PRKAR1A: variants seen among roughly 807,000 people sequenced by gnomAD.
PRKAR1A encodes the protein protein kinase cAMP-dependent type I regulatory subunit alpha, also known as cAMP-dependent protein kinase type I-alpha regulatory subunit.
Under a neutral mutation model 52.0 loss-of-function variants are expected in PRKAR1A, and 3 were observed. That is an observed-to-expected ratio of 0.06 (90% confidence interval 0.03 to 0.15). The LOEUF (loss-of-function observed/expected upper bound fraction) is 0.15. PRKAR1A is among the 10% of genes least tolerant of loss of function. PRKAR1A has a pLI of 1.00. For missense variants in PRKAR1A, 240 were observed against 477.4 expected, an observed-to-expected ratio of 0.50 and a Z score of 4.63; for synonymous variants, 188 against 168.4, an observed-to-expected ratio of 1.12 and a Z score of -0.90.
chr17:68,509,063 C>T (rs2085230782), upstream of PRKAR1A, among the ~76,000 whole-genome samples: 1 of 152,172 alleles, frequency 6.6e-6, no homozygotes, highest in Admixed American at 6.5e-5. Flanking sequence ...AAATGGACCA[C>T]CAAAGTATTC....
chr17:68,522,977 G>T (rs1433288638), intron 3 of PRKAR1A, 51 bp downstream of exon 3: 3 of 1,599,852 alleles, frequency 1.9e-6, no homozygotes, highest in South Asian at 1.1e-5. Flanking sequence ...CCCACTTGGT[G>T]GTCATCTAGT....
At chr17:68,457,325 G>A in the PRKAR1A span, 32 of 1,541,918 alleles carry the variant, frequency 2.1e-5, no homozygotes, top group Non-Finnish European at 2.8e-5. Context: ...CCTGGCAGGG[G>A]CCGAGTCGCA....
the PRKAR1A span, chr17:68,444,536 C>G: frequency 1.9e-6 from 3 of 1,614,050 alleles, no homozygotes; most frequent in Non-Finnish European, 2.5e-6. Context: ...TCAACAGCTT[C>G]ATGTCTTTAA....
At chr17:68,413,661 T>G in the PRKAR1A span, 1 of 156,926 alleles carries the variant, frequency 6.4e-6, no homozygotes, top group African/African-American at 2.4e-5. Flanking sequence ...GCTTCCCGGC[T>G]GCTTTGGTTA....
intron 10 of PRKAR1A, 74 bp downstream of exon 10, chr17:68,530,075 A>T: frequency 6.4e-7 from 1 of 1,552,502 alleles, no homozygotes; most frequent in Middle Eastern, 1.8e-4. Context: ...GTAGTCTTCC[A>T]TAATTTTGTC....
At chr17:68,490,265 G>A in the PRKAR1A span, among the ~76,000 whole-genome samples, 10 of 152,342 alleles carry the variant, frequency 6.6e-5, no homozygotes, top group Non-Finnish European at 1.0e-4. Context: ...GGGGGCAAGC[G>A]TGCGGGGCCT....
chr17:68,535,656 G>T (rs2086076601), downstream of PRKAR1A: 1 of 448,892 alleles, frequency 2.2e-6, no homozygotes, highest in South Asian at 1.6e-5. Flanking sequence ...TTAAAGAGTT[G>T]ATTTAAAAAA....
At chr17:68,504,979 G>T in the PRKAR1A span, among the ~76,000 whole-genome samples, 4 of 152,068 alleles carry the variant, frequency 2.6e-5, no homozygotes, top group Non-Finnish European at 5.9e-5. Flanking sequence ...AAAATAGAGA[G>T]AAAAACATAG....
chr17:68,487,946 A>G, the PRKAR1A span, among the ~76,000 whole-genome samples: 1 of 152,148 alleles, frequency 6.6e-6, no homozygotes. Flanking sequence ...AAAATAAATA[A>G]AAAAAATGCA....
intron 6 of PRKAR1A, 120 bp from the exon 7 acceptor site, chr17:68,525,629 CATAAT>C: frequency 9.4e-7 from 1 of 1,059,774 alleles, no homozygotes; most frequent in African/African-American, 1.6e-5. Context: ...GTACTGCAAA[CATAAT>C]ATATTCTGTT....
chr17:68,512,912 C>G lies in PRKAR1A; in HGVS notation c.-7+364C>G, dbSNP rs912313825. On this transcript the variant is annotated intron_variant, in intron 1 of 10. Coordinates refer to ENST00000589228, the MANE Select transcript of PRKAR1A (RefSeq NM_002734.5). ...TCACCCTCCCCCATTTCCTGAAGGA[C>G]AACGGCTCTATTTTACTGGGGTCCG... The G allele has an allele frequency of 9.2e-5, 14 of 152,478 alleles. No homozygotes were observed. In the East Asian group the frequency reaches 2.7e-3, roughly 29 times the overall value. The allele number at this position is 152,478 out of a possible 1,614,324, so 9.4% of individuals were successfully genotyped here. A position where few individuals can be genotyped will look rare whatever the true frequency, so the allele number is the denominator to read the frequency against.
chr17:68,532,862 GA>G lies in PRKAR1A; in HGVS notation c.*2416del. ...TCGGGTGGGCAAAAATGAAAAGGGG[GA>G]AAGTGAATTATGGGATCGGTGTTTT... is the stretch of plus-strand genomic sequence containing the variant. On this transcript the variant is annotated 3_prime_UTR_variant, in exon 11 of 11. Transcript: ENST00000589228. 9.4e-7 allele frequency: 1 copy of G among 1,066,404 alleles called. No individual in the cohort carries two copies. The highest frequency in any genetic ancestry group is 1.1e-6 in the Non-Finnish European group (1 of 879,798). 66.1% of individuals were successfully genotyped at this position (1,066,404 alleles called of 1,614,324 possible).
downstream of PRKAR1A, among the ~76,000 whole-genome samples, chr17:68,534,554 T>C (rs996826743): frequency 7.2e-6 from 1 of 138,808 alleles, no homozygotes; most frequent in Non-Finnish European, 1.5e-5. Flanking sequence ...TGGGTCTTTT[T>C]AGTGCCTTTT....
At chr17:68,516,985 TTAAG>T (rs2085454557) in intron 2 of PRKAR1A, among the ~76,000 whole-genome samples, 2 of 152,212 alleles carry the variant, frequency 1.3e-5, no homozygotes, top group South Asian at 4.1e-4. Context: ...TGGTGAGACA[TTAAG>T]TGTGTATCTT....
chr17:68,455,514 T>C, the PRKAR1A span, among the ~76,000 whole-genome samples: 1 of 152,192 alleles, frequency 6.6e-6, no homozygotes, highest in African/African-American at 2.4e-5. Context: ...GAAAAAGACA[T>C]GGCAATACAC....
intron 11 of PRKAR1A, chr17:68,542,001 G>C (rs780835795): frequency 6.2e-7 from 1 of 1,613,760 alleles, no homozygotes. Context: ...TTTCCTGCCA[G>C]TGTGTAGGAG....
chr17:68,533,331 T>G lies in PRKAR1A; in HGVS notation c.*2882T>G, dbSNP rs1371975871. ...TAGAAGAGCATTCTTTAAATTGTGTTGCTTTGAACATGTGTACCTTTTCTA... is the reference window on the plus strand; with the variant it reads ...TAGAAGAGCATTCTTTAAATTGTGTGGCTTTGAACATGTGTACCTTTTCTA... On this transcript the variant is annotated 3_prime_UTR_variant, in exon 11 of 11. Transcript: ENST00000589228. The G allele has an allele frequency of 4.7e-6, 5 of 1,063,088 alleles. No homozygotes were observed. The highest frequency in any genetic ancestry group is 4.6e-6 in the Non-Finnish European group (4 of 877,846). The allele number at this position is 1,063,088 out of a possible 1,614,324, so 65.9% of individuals were successfully genotyped here. A position where few individuals can be genotyped will look rare whatever the true frequency, so the allele number is the denominator to read the frequency against.
chr17:68,514,188 C>G (rs1039250408), intron 1 of PRKAR1A, among the ~76,000 whole-genome samples: 7 of 152,112 alleles, frequency 4.6e-5, no homozygotes, highest in Non-Finnish European at 1.0e-4. Flanking sequence ...TTGTTGTTGA[C>G]CTTTATGGTG....
At chr17:68,462,861 T>C in the PRKAR1A span, among the ~76,000 whole-genome samples, 1 of 151,176 alleles carries the variant, frequency 6.6e-6, no homozygotes, top group Non-Finnish European at 1.5e-5. Context: ...AGGGGGAGAG[T>C]GTGGAGTCCT....
Sources: allele counts gnomAD v4.1 joint callset (sites outside exome capture counted in the v4.1 genomes callset), GRCh38; gene constraint gnomAD v4.1.1; transcripts MANE v1.5; gene names NCBI Gene and HGNC (gene_info 2026-07-23, HGNC 2026-07-21).